SEPHS1: variants seen among roughly 807,000 people sequenced by gnomAD.
SEPHS1 encodes zincore component SEPHS1.
A neutral mutation model predicts 39.2 loss-of-function variants in SEPHS1; 7 were observed. The observed-to-expected ratio is 0.18, with a 90% CI of 0.10 to 0.34. The LOEUF (loss-of-function observed/expected upper bound fraction) is 0.34. SEPHS1 is among the 10% of genes least tolerant of loss of function. The pLI, the probability that SEPHS1 is intolerant of heterozygous loss-of-function variation, is 1.00. For missense variants in SEPHS1, 253 were observed against 514.5 expected, an observed-to-expected ratio of 0.49 and a Z score of 4.92; for synonymous variants, 190 against 195.5, an observed-to-expected ratio of 0.97 and a Z score of 0.23.
At position 13,319,242 on chromosome 10, in the gene SEPHS1, C is replaced by T; in HGVS notation, c.1079G>A (p.Gly360Asp). Residue 360 changes from glycine (G) to aspartate (D), a missense_variant, in exon 9 of 9, where the codon GGC becomes GAC. By Grantham distance (94) the Gly-to-Asp change is moderately conservative. Coordinates refer to ENST00000327347, the MANE Select transcript of SEPHS1 (RefSeq NM_012247.5). ...QAWIIGIVEK[G>D]NRTARIIDKP... ...GTCTATGATTCTGGCTGTGCGGTTG[C>T]CCTTCTCTACAATCCCAATAATCCA... is the stretch of plus-strand genomic sequence containing the variant. The T allele has an allele frequency of 6.2e-7, 1 of 1,613,926 alleles. No homozygotes were observed. The highest frequency in any genetic ancestry group is 1.3e-5 in the African/African-American group (1 of 75,030).
At chr10:13,340,004 CA>C (rs1230711710) in intron 2 of SEPHS1, among the ~76,000 whole-genome samples, 1 of 152,074 alleles carries the variant, frequency 6.6e-6, no homozygotes, top group African/African-American at 2.4e-5. Context: ...AGAATTAGGA[CA>C]AAAGGAAGCA....
chr10:13,321,997 C>G (rs1255782302), intron 8 of SEPHS1: 1 of 450,960 alleles, frequency 2.2e-6, no homozygotes, highest in African/African-American at 2.0e-5. Flanking sequence ...TGATGGCTCT[C>G]TCTACCTACG....
At chr10:13,346,614 G>C (rs901229055) in intron 1 of SEPHS1, among the ~76,000 whole-genome samples, 1 of 149,364 alleles carries the variant, frequency 6.7e-6, no homozygotes, top group Non-Finnish European at 1.5e-5. Flanking sequence ...AGAGTTATGG[G>C]AAAGTTTGAA....
rs1254090429 is a variant in SEPHS1, at chr10:13,318,284, T to C, written c.*858A>G. On this transcript the variant is annotated 3_prime_UTR_variant, in exon 9 of 9. Coordinates refer to ENST00000327347, the MANE Select transcript of SEPHS1 (RefSeq NM_012247.5). ...ATCACTGTACAAAATAGAAAATGTA[T>C]TAAACACTACCATCCACAGAACAGT... The C allele has an allele frequency of 2.0e-5, 3 of 152,594 alleles. No homozygotes were observed. The highest frequency in any genetic ancestry group is 7.2e-5 in the African/African-American group (3 of 41,448). 9.5% of individuals were successfully genotyped at this position (152,594 alleles called of 1,614,324 possible).
At chr10:13,341,165 T>C (rs748216940) in intron 2 of SEPHS1, among the ~76,000 whole-genome samples, 1 of 152,094 alleles carries the variant, frequency 6.6e-6, no homozygotes, top group Admixed American at 6.5e-5. Flanking sequence ...AAATCACCAA[T>C]CACATTTCAA....
At position 13,319,980 on chromosome 10, in the gene SEPHS1, A is replaced by G. The variant is rs534051796; in HGVS notation, c.965-624T>C. Among the ~76,000 whole-genome samples the G allele has an allele frequency of 1.5e-4, 23 of 152,338 alleles. 1 individual carries two copies. Among genetic ancestry groups the G allele is most frequent in the African/African-American group, 5.3e-4 (22 of 41,572 alleles). ...ACACTGAAACAAATATTGACAAACA[A>G]AAGGGAACTTTTGATTCTCTACATC... On this transcript the variant is annotated intron_variant, in intron 8 of 8. Transcript: ENST00000327347.
chr10:13,347,748 C>CCCCG (rs1487542138), intron 1 of SEPHS1, among the ~76,000 whole-genome samples: 4 of 128,944 alleles, frequency 3.1e-5, no homozygotes, highest in East Asian at 5.3e-4. Context: ...CTCCGCTCCT[C>CCCCG]CCCGCCCTCC....
chr10:13,347,522 C>G (rs1258904047), intron 1 of SEPHS1, among the ~76,000 whole-genome samples: 4 of 146,550 alleles, frequency 2.7e-5, no homozygotes, highest in African/African-American at 7.4e-5. Flanking sequence ...CCGGCGGGCA[C>G]CGCGCGTGCG....
rs575011046 is a variant in SEPHS1 at position 13,322,186 on chromosome 10, G to T, written c.964+649C>A. 165 of 367,464 alleles carry T rather than the reference G, an allele frequency of 4.5e-4. 3 individuals are homozygous for T. Among genetic ancestry groups the T allele is most frequent in the South Asian group, 3.4e-3 (161 of 47,130 alleles). 22.8% of individuals were successfully genotyped at this position (367,464 alleles called of 1,614,324 possible). On this transcript the variant is annotated intron_variant, in intron 8 of 8. Transcript: ENST00000327347. Reference sequence around the variant, plus strand: ...AGGCAGAATCTCGCTCTGTCACCCAGGCTGGAGTGCAGTGGCGCAATCTCG... The same window carrying T: ...AGGCAGAATCTCGCTCTGTCACCCATGCTGGAGTGCAGTGGCGCAATCTCG...
At chr10:13,329,934 A>G in intron 5 of SEPHS1, 146 bp from the exon 6 acceptor site, 1 of 671,440 alleles carries the variant, frequency 1.5e-6, no homozygotes. Context: ...CATGTATGGG[A>G]CAGAGCCTTG....
intron 2 of SEPHS1, among the ~76,000 whole-genome samples, chr10:13,343,865 A>T (rs1204961672): frequency 6.6e-6 from 1 of 152,170 alleles, no homozygotes; most frequent in African/African-American, 2.4e-5. Flanking sequence ...TCGAACATCC[A>T]AACCTCCGAA....
intron 3 of SEPHS1, among the ~76,000 whole-genome samples, chr10:13,337,353 TAATG>T (rs1437012302): frequency 6.6e-6 from 1 of 152,226 alleles, no homozygotes; most frequent in Non-Finnish European, 1.5e-5. Context: ...AGAAATGTGG[TAATG>T]AAGATTTTTT....
chr10:13,323,433 C>T (rs1833171916), intron 7 of SEPHS1, among the ~76,000 whole-genome samples: 1 of 152,160 alleles, frequency 6.6e-6, no homozygotes, highest in South Asian at 2.1e-4. Context: ...CGGCTCACTG[C>T]AACCTCTGCC....
chr10:13,332,438 G>T (rs1459499533), intron 5 of SEPHS1, among the ~76,000 whole-genome samples: 3 of 152,154 alleles, frequency 2.0e-5, no homozygotes, highest in African/African-American at 7.2e-5. Context: ...TTGGATAGTG[G>T]TGATGGGTGC....
intron 8 of SEPHS1, among the ~76,000 whole-genome samples, chr10:13,320,809 CAA>C (rs1418891467): frequency 2.6e-5 from 4 of 152,022 alleles, no homozygotes; most frequent in African/African-American, 7.2e-5. Flanking sequence ...GCCTGGGTGA[CAA>C]GAGGAAAACT....
intron 7 of SEPHS1, among the ~76,000 whole-genome samples, chr10:13,325,964 A>C (rs1833272942): frequency 2.1e-5 from 1 of 48,580 alleles, no homozygotes; most frequent in Non-Finnish European, 5.6e-5. Context: ...AAAAAAAAAA[A>C]TAATAATAAT....
rs753504650 is a variant in SEPHS1, at chr10:13,330,615, A to G, written c.561-827T>C. 1.2e-4 allele frequency among the ~76,000 whole-genome samples: 18 copies of G among 152,268 alleles called. 1 individual carries two copies. The highest frequency in any genetic ancestry group is 2.5e-4 in the Non-Finnish European group (17 of 68,010). ...TCCATTCCCCGATGCTGGCCTCCTC[A>G]GGTACTCACCCAAGTCGATGAAAAC... On this transcript the variant is annotated intron_variant, in intron 5 of 8. Coordinates refer to ENST00000327347, the MANE Select transcript of SEPHS1 (RefSeq NM_012247.5).
At chr10:13,328,512 T>C (rs1833372366) in intron 6 of SEPHS1, 62 bp from the exon 7 acceptor site, 8 of 1,190,006 alleles carry the variant, frequency 6.7e-6, no homozygotes, top group Non-Finnish European at 9.8e-6. Flanking sequence ...TCTTTACTTC[T>C]AGCAACTGAG....
intron 8 of SEPHS1, among the ~76,000 whole-genome samples, chr10:13,320,154 C>T (rs1347402119): frequency 6.6e-6 from 1 of 152,054 alleles, no homozygotes; most frequent in East Asian, 1.9e-4. Context: ...TTAAAATAAA[C>T]CTTTGTTGCT....
Sources: gnomAD v4.1 joint callset for allele counts (sites outside exome capture counted in the v4.1 genomes callset) on GRCh38, gnomAD v4.1.1 for gene constraint, MANE v1.5 for transcripts, NCBI Gene and HGNC (gene_info 2026-07-23, HGNC 2026-07-21) for gene names.